PRELID2: variants seen among roughly 807,000 people sequenced by gnomAD.
The protein encoded by PRELID2 is PRELI domain-containing protein 2.
A neutral mutation model predicts 28.4 loss-of-function variants in PRELID2; 25 were observed. The ratio of observed to expected loss-of-function variants is 0.88; its 90% CI spans 0.64 to 1.23. The LOEUF (loss-of-function observed/expected upper bound fraction) is 1.23. Among genes scored for constraint, PRELID2 ranks in the 50% most tolerant of loss-of-function variants. The probability of loss-of-function intolerance (pLI) is 0.00; values close to 1 mark genes in which losing one functional copy is unlikely to be tolerated. For synonymous variants in PRELID2, 76 were observed against 71.6 expected (o/e 1.06, Z -0.31); for missense variants, 201 against 214.4 (o/e 0.94, Z 0.39).
At chr5:145,516,843 AC>A (rs1458564470) in intron 1 of PRELID2, among the ~76,000 whole-genome samples, 1 of 152,200 alleles carries the variant, frequency 6.6e-6, no homozygotes, top group Non-Finnish European at 1.5e-5. Flanking sequence ...ACACATCTAC[AC>A]CCATCTGATC....
At chr5:145,503,442 C>A (rs1266533684) in intron 1 of PRELID2, among the ~76,000 whole-genome samples, 1 of 152,096 alleles carries the variant, frequency 6.6e-6, no homozygotes, top group Non-Finnish European at 1.5e-5. Flanking sequence ...ACGTTTAAAA[C>A]AATAGTCATG....
chr5:145,706,939 T>C (rs111292863), intron 1 of PRELID2, among the ~76,000 whole-genome samples: 15 of 152,184 alleles, frequency 9.9e-5, no homozygotes, highest in Admixed American at 9.2e-4. Context: ...GCATGCAAGT[T>C]AACACTTGGA....
intron 1 of PRELID2, among the ~76,000 whole-genome samples, chr5:145,655,071 G>A (rs893861235): frequency 2.0e-5 from 3 of 151,744 alleles, no homozygotes; most frequent in Non-Finnish European, 2.9e-5. Context: ...CAAAATCAAT[G>A]TGCAAAAATC....
chr5:145,386,656 C>T, the PRELID2 span, among the ~76,000 whole-genome samples: 1 of 152,142 alleles, frequency 6.6e-6, no homozygotes, highest in East Asian at 1.9e-4. Flanking sequence ...ATACATGGCC[C>T]TTATTATTTT....
At chr5:145,763,021 A>C (rs1439841408) in intron 6 of PRELID2, among the ~76,000 whole-genome samples, 4 of 152,232 alleles carry the variant, frequency 2.6e-5, no homozygotes, top group African/African-American at 9.6e-5. Context: ...ACTGAATCAG[A>C]ACTTGGGGAG....
chr5:145,507,660 G>A (rs905965354), intron 1 of PRELID2, among the ~76,000 whole-genome samples: 16 of 152,088 alleles, frequency 1.1e-4, no homozygotes, highest in South Asian at 2.1e-4. Context: ...AAGTGCTGAG[G>A]GACTTTTGGT....
rs567491631 is a variant in PRELID2 at position 145,835,298 on chromosome 5, C to G, written c.-47G>C. On this transcript the variant is annotated 5_prime_UTR_variant, in exon 1 of 7. Transcript: ENST00000683046. The stretch of plus-strand genomic sequence containing the variant: ...CGCACCGGCCACGCCTCCGCGAGCT[C>G]AGAGCTGCCCAGGGCTCCGCAGAGG... The G allele has an allele frequency of 9.4e-6, 13 of 1,377,272 alleles. No homozygotes were observed. The South Asian group carries it at 1.2e-4, about 13-fold the overall frequency. The allele number at this position is 1,377,272 out of a possible 1,614,324, so 85.3% of individuals were successfully genotyped here. A position where few individuals can be genotyped will look rare whatever the true frequency, so the allele number is the denominator to read the frequency against.
chr5:145,440,068 C>T, the PRELID2 span, among the ~76,000 whole-genome samples: 4 of 152,092 alleles, frequency 2.6e-5, no homozygotes, highest in African/African-American at 7.2e-5. Context: ...TGCTAGTCCA[C>T]TCTGAGGCTG....
chr5:145,586,337 C>T (rs1158810595), intron 1 of PRELID2, among the ~76,000 whole-genome samples: 2 of 151,974 alleles, frequency 1.3e-5, no homozygotes, highest in African/African-American at 4.8e-5. Flanking sequence ...TCCCTAACAA[C>T]TCAATATTCA....
At chr5:145,707,176 T>C (rs1329452381) in intron 1 of PRELID2, among the ~76,000 whole-genome samples, 4 of 152,202 alleles carry the variant, frequency 2.6e-5, no homozygotes, top group African/African-American at 7.2e-5. Flanking sequence ...TTTATTAATA[T>C]ATTGGTGAAG....
the PRELID2 span, among the ~76,000 whole-genome samples, chr5:145,461,335 C>G: frequency 4.0e-5 from 1 of 24,896 alleles, no homozygotes; most frequent in Non-Finnish European, 7.4e-5. Context: ...GAGTCTCGCT[C>G]TGTCGCCCAG....
At chr5:145,505,288 G>A (rs1752399061) in intron 1 of PRELID2, among the ~76,000 whole-genome samples, 1 of 152,216 alleles carries the variant, frequency 6.6e-6, no homozygotes, top group East Asian at 1.9e-4. Flanking sequence ...TAGTCCATAT[G>A]GTGGTTTCTT....
At chr5:145,488,008 C>G (rs1561492676) in intron 1 of PRELID2, among the ~76,000 whole-genome samples, 1 of 150,338 alleles carries the variant, frequency 6.7e-6, no homozygotes, top group African/African-American at 2.5e-5. Flanking sequence ...CCTGTAGACC[C>G]AGCTACTTAA....
intron 1 of PRELID2, among the ~76,000 whole-genome samples, chr5:145,501,877 A>T (rs1752362230): frequency 6.6e-6 from 1 of 152,150 alleles, no homozygotes; most frequent in East Asian, 1.9e-4. Flanking sequence ...TCAGTGGTTC[A>T]CCTCCAGAGT....
At chr5:145,418,343 T>G in the PRELID2 span, among the ~76,000 whole-genome samples, 1 of 152,076 alleles carries the variant, frequency 6.6e-6, no homozygotes, top group African/African-American at 2.4e-5. Flanking sequence ...AATACTATTT[T>G]CATTGAACTA....
chr5:145,292,854 C>T, the PRELID2 span, among the ~76,000 whole-genome samples: 2 of 152,068 alleles, frequency 1.3e-5, no homozygotes, highest in African/African-American at 2.4e-5. Context: ...ACTACAGGAG[C>T]ATGCCATCGC....
intron 1 of PRELID2, among the ~76,000 whole-genome samples, chr5:145,506,699 T>C (rs1748118158): frequency 6.6e-6 from 1 of 152,334 alleles, no homozygotes; most frequent in African/African-American, 2.4e-5. Context: ...TGCAAAGTTA[T>C]CTGGCAAATG....
chr5:145,461,293 T>C, the PRELID2 span, among the ~76,000 whole-genome samples: 1 of 152,050 alleles, frequency 6.6e-6, no homozygotes, highest in Non-Finnish European at 1.5e-5. Context: ...TCAGACAAGA[T>C]ATTTAACTTC....
the PRELID2 span, among the ~76,000 whole-genome samples, chr5:145,265,037 A>ATTGTATAT: frequency 6.7e-6 from 1 of 150,184 alleles, no homozygotes; most frequent in Non-Finnish European, 1.5e-5. Flanking sequence ...TGATGACATG[A>ATTGTATAT]TTGTATATTT....
Sources: allele counts gnomAD v4.1 joint callset (sites outside exome capture counted in the v4.1 genomes callset), GRCh38; gene constraint gnomAD v4.1.1; transcripts MANE v1.5; gene names NCBI Gene and HGNC (gene_info 2026-07-23, HGNC 2026-07-21).